The following SPAG16 variants were observed in gnomAD, a reference collection of about 807,000 sequenced individuals.
The protein encoded by SPAG16 is sperm associated antigen 16, also known as sperm-associated antigen 16 protein.
Under a neutral mutation model 80.4 loss-of-function variants are expected in SPAG16, and 86 were observed. The observed-to-expected ratio is 1.07, with a 90% CI of 0.90 to 1.28. The LOEUF is 1.28. SPAG16 is among the 50% of genes most tolerant of loss of function. The pLI is 0.00. For synonymous variants in SPAG16, 294 were observed against 265.9 expected (o/e 1.11, Z -1.03); for missense variants, 870 against 765.3 (o/e 1.14, Z -1.61).
Position 213,980,725 on chromosome 2 carries a change from T to TATAG in SPAG16, c.1401-33225_1401-33224insTAGA, listed in dbSNP as rs374274176. ...GTGTGTGTGTGTGTATATATATATATAGAGAGAGAGAGAGAGAGAGAGAGA... is the reference window on the plus strand; with the variant it reads ...GTGTGTGTGTGTGTATATATATATATATAGAGAGAGAGAGAGAGAGAGAGAGAGA... On this transcript the variant is annotated intron_variant, in intron 12 of 15. Coordinates refer to ENST00000331683, the MANE Select transcript of SPAG16 (RefSeq NM_024532.5). Among the ~76,000 whole-genome samples, 128 of 103,982 alleles carry TATAG rather than the reference T, an allele frequency of 1.2e-3. 1 individual carries two copies. The highest frequency in any genetic ancestry group is 4.8e-3 in the Middle Eastern group (1 of 208). The allele number at this position is 103,982 out of a possible 152,430, so 68.2% of individuals were successfully genotyped here.
At chr2:213,288,013 T>C (rs1271751643) in intron 1 of SPAG16, among the ~76,000 whole-genome samples, 1 of 152,200 alleles carries the variant, frequency 6.6e-6, no homozygotes, top group Non-Finnish European at 1.5e-5. Context: ...TCGAGCAATC[T>C]TCCCACCTCA....
chr2:213,476,034 T>C (rs904445955), intron 9 of SPAG16, among the ~76,000 whole-genome samples: 1 of 152,190 alleles, frequency 6.6e-6, no homozygotes, highest in African/African-American at 2.4e-5. Flanking sequence ...AAGAAAACTC[T>C]CTTAATTTTT....
chr2:214,126,327 T>G (rs2054496670), intron 14 of SPAG16, among the ~76,000 whole-genome samples: 1 of 150,644 alleles, frequency 6.6e-6, no homozygotes, highest in African/African-American at 2.4e-5. Flanking sequence ...AGAAGGAGGG[T>G]CGGAAGACAG....
intron 10 of SPAG16, among the ~76,000 whole-genome samples, chr2:213,620,709 G>A: frequency 6.6e-6 from 1 of 151,998 alleles, no homozygotes; most frequent in Admixed American, 6.6e-5. Context: ...ATTACACATT[G>A]TATATATATA....
chr2:213,629,602 A>T (rs1172419747), intron 10 of SPAG16, among the ~76,000 whole-genome samples: 1 of 152,230 alleles, frequency 6.6e-6, no homozygotes, highest in South Asian at 2.1e-4. Flanking sequence ...ATTTGCACTC[A>T]TGCTTCCTCA....
At chr2:213,785,742 C>T (rs1335411139) in intron 10 of SPAG16, among the ~76,000 whole-genome samples, 1 of 152,046 alleles carries the variant, frequency 6.6e-6, no homozygotes, top group African/African-American at 2.4e-5. Context: ...TTTAGCCAGG[C>T]GCAGTGGCTC....
At chr2:213,738,084 T>C (rs2067376388) in intron 10 of SPAG16, among the ~76,000 whole-genome samples, 1 of 152,220 alleles carries the variant, frequency 6.6e-6, no homozygotes, top group African/African-American at 2.4e-5. Context: ...ATATCCTGGT[T>C]TTATTGCCTT....
At chr2:213,850,979 A>G (rs2074874719) in intron 10 of SPAG16, among the ~76,000 whole-genome samples, 1 of 152,126 alleles carries the variant, frequency 6.6e-6, no homozygotes, top group African/African-American at 2.4e-5. Flanking sequence ...TATTACTCTT[A>G]TTTAATAATT....
At chr2:213,640,851 G>A (rs1298302470) in intron 10 of SPAG16, among the ~76,000 whole-genome samples, 1 of 152,180 alleles carries the variant, frequency 6.6e-6, no homozygotes, top group Non-Finnish European at 1.5e-5. Flanking sequence ...ATGACTTGCT[G>A]TAATGGCTTG....
chr2:214,293,820 T>C (rs894143520), intron 15 of SPAG16, among the ~76,000 whole-genome samples: 1 of 152,150 alleles, frequency 6.6e-6, no homozygotes, highest in African/African-American at 2.4e-5. Context: ...ATGCAGGCCT[T>C]TGAAGACTAA....
intron 12 of SPAG16, among the ~76,000 whole-genome samples, chr2:213,969,660 C>A (rs1019116506): frequency 6.6e-6 from 1 of 152,150 alleles, no homozygotes; most frequent in Non-Finnish European, 1.5e-5. Flanking sequence ...TTGGATTTCA[C>A]AAACTCTGTA....
At chr2:213,829,025 C>A (rs1051801060) in intron 10 of SPAG16, among the ~76,000 whole-genome samples, 5 of 152,050 alleles carry the variant, frequency 3.3e-5, no homozygotes, top group Non-Finnish European at 5.9e-5. Flanking sequence ...CCACTGTAAC[C>A]ACTACCTGGC....
At chr2:213,307,718 G>A (rs1286899125) in intron 3 of SPAG16, among the ~76,000 whole-genome samples, 1 of 151,964 alleles carries the variant, frequency 6.6e-6, no homozygotes, top group Admixed American at 6.6e-5. Flanking sequence ...GGATGGCTGG[G>A]TCAAATGGTA....
chr2:213,973,636 CT>C (rs375765183), intron 12 of SPAG16, among the ~76,000 whole-genome samples: 3,960 of 140,552 alleles, frequency 0.028, 128 homozygotes, highest in African/African-American at 0.076. Flanking sequence ...AAATTGCCCC[CT>C]TTTTTTTTTT....
chr2:213,400,629 A>G (rs933538883), intron 9 of SPAG16, among the ~76,000 whole-genome samples: 7 of 152,176 alleles, frequency 4.6e-5, no homozygotes, highest in African/African-American at 1.7e-4. Flanking sequence ...AGCTGGGCAT[A>G]TAGTTAGGTA....
intron 10 of SPAG16, among the ~76,000 whole-genome samples, chr2:213,660,348 C>G (rs1161266629): frequency 1.3e-5 from 2 of 151,654 alleles, no homozygotes; most frequent in Admixed American, 1.3e-4. Flanking sequence ...CAGCTCACTG[C>G]AACCTCTGCC....
intron 10 of SPAG16, among the ~76,000 whole-genome samples, chr2:213,496,595 G>A (rs1348543363): frequency 6.6e-6 from 1 of 151,756 alleles, no homozygotes; most frequent in African/African-American, 2.4e-5. Flanking sequence ...GAAAATATGG[G>A]CATTATAGAA....
chr2:213,874,463 C>A (rs2076066900), intron 11 of SPAG16, among the ~76,000 whole-genome samples: 1 of 152,112 alleles, frequency 6.6e-6, no homozygotes, highest in Non-Finnish European at 1.5e-5. Context: ...CCTAGGCCTA[C>A]ACAGGGTCAG....
At chr2:213,726,993 C>T (rs1023005342) in intron 10 of SPAG16, among the ~76,000 whole-genome samples, 4 of 152,092 alleles carry the variant, frequency 2.6e-5, no homozygotes, top group African/African-American at 9.7e-5. Flanking sequence ...TGTGAAAATT[C>T]TTATGCATTC....
Sources: gnomAD v4.1 joint callset for allele counts (sites outside exome capture counted in the v4.1 genomes callset) on GRCh38, gnomAD v4.1.1 for gene constraint, MANE v1.5 for transcripts, NCBI Gene and HGNC (gene_info 2026-07-23, HGNC 2026-07-21) for gene names.